ANO10: variants seen among roughly 807,000 people sequenced by gnomAD.
ANO10 encodes the protein anoctamin-10.
A neutral mutation model predicts 74.7 loss-of-function variants in ANO10; 77 were observed. The ratio of observed to expected loss-of-function variants is 1.03; its 90% CI spans 0.86 to 1.25. The LOEUF is 1.25. Among genes scored for constraint, ANO10 ranks in the 50% most tolerant of loss-of-function variants. The pLI, the probability that ANO10 is intolerant of heterozygous loss-of-function variation, is 0.00. For synonymous variants in ANO10, 279 were observed against 284.9 expected, an observed-to-expected ratio of 0.98 and a Z score of 0.21; for missense variants, 721 against 778.1, an observed-to-expected ratio of 0.93 and a Z score of 0.87.
intron 11 of ANO10, chr3:43,486,018 C>A: frequency 3.8e-6 from 1 of 264,728 alleles, no homozygotes; most frequent in Non-Finnish European, 7.4e-6. Flanking sequence ...GCCACAGGGC[C>A]AGCAGACAGA....
rs540915711 is a variant in ANO10, at chr3:43,473,552, T to C, written c.1798-40825A>G. Among the ~76,000 whole-genome samples, 77 of 152,324 alleles carry C rather than the reference T, an allele frequency of 5.1e-4. 2 individuals are homozygous for C. The South Asian group carries it at 0.014, about 28-fold the overall frequency. Reference sequence around the variant, plus strand: ...GTTATCTGTTGACTTTTCTCATGTGTCAATTTACCAGAATGGTAGGAAAGA... The same window carrying C: ...GTTATCTGTTGACTTTTCTCATGTGCCAATTTACCAGAATGGTAGGAAAGA... On this transcript the variant is annotated intron_variant, in intron 11 of 12. Transcript: ENST00000292246.
At chr3:43,548,722 T>C (rs2079311686) in intron 11 of ANO10, among the ~76,000 whole-genome samples, 1 of 152,182 alleles carries the variant, frequency 6.6e-6, no homozygotes, top group Admixed American at 6.5e-5. Context: ...TTTTAAAATA[T>C]CTAAAAATGA....
intron 2 of ANO10, among the ~76,000 whole-genome samples, chr3:43,605,421 C>T (rs1367739532): frequency 6.6e-6 from 1 of 152,082 alleles, no homozygotes; most frequent in East Asian, 1.9e-4. Flanking sequence ...TTTTAAGCAC[C>T]TACTATGCAC....
intron 1 of ANO10, among the ~76,000 whole-genome samples, chr3:43,652,024 T>C (rs2083793096): frequency 6.6e-6 from 1 of 152,092 alleles, no homozygotes; most frequent in Admixed American, 6.6e-5. Flanking sequence ...ATATATTCCA[T>C]GTTCTTGGGT....
intron 11 of ANO10, among the ~76,000 whole-genome samples, chr3:43,527,036 AACACACACACAC>A (rs56025632): frequency 3.4e-5 from 5 of 147,076 alleles, no homozygotes; most frequent in African/African-American, 1.3e-4. Flanking sequence ...ATGGATGTAA[AACACACACACAC>A]ACACACACAC....
chr3:43,671,382 C>T (rs72622908), intron 1 of ANO10, among the ~76,000 whole-genome samples: 7,669 of 152,140 alleles, frequency 0.05, 298 homozygotes, highest in South Asian at 0.12. Flanking sequence ...ACTGCCGCCG[C>T]TGATAAGGAC....
chr3:43,524,482 C>A (rs1168899611), intron 11 of ANO10, among the ~76,000 whole-genome samples: 3 of 152,100 alleles, frequency 2.0e-5, no homozygotes, highest in East Asian at 3.9e-4. Context: ...TGGCCTGGCC[C>A]TAGAGACCAG....
intron 1 of ANO10, among the ~76,000 whole-genome samples, chr3:43,659,080 G>A (rs1206444072): frequency 4.6e-5 from 7 of 152,168 alleles, no homozygotes; most frequent in Non-Finnish European, 1.0e-4. Context: ...GAAAAATCCT[G>A]GTCATTTCCA....
At chr3:43,618,968 AT>A (rs957042467) in intron 1 of ANO10, among the ~76,000 whole-genome samples, 15 of 151,444 alleles carry the variant, frequency 9.9e-5, no homozygotes, top group African/African-American at 3.6e-4. Flanking sequence ...TGCTCGGCTA[AT>A]TTTTTTTTGT....
chr3:43,585,192 G>C (rs1360741398), intron 4 of ANO10, among the ~76,000 whole-genome samples: 1 of 152,026 alleles, frequency 6.6e-6, no homozygotes, highest in East Asian at 1.9e-4. Context: ...ACTCTCAAAG[G>C]CATAAAAGAA....
chr3:43,427,139 A>G (rs1170142786), intron 12 of ANO10, among the ~76,000 whole-genome samples: 1 of 151,024 alleles, frequency 6.6e-6, no homozygotes, highest in Non-Finnish European at 1.5e-5. Context: ...TCATTTTATG[A>G]AAAAAAAATA....
intron 11 of ANO10, among the ~76,000 whole-genome samples, chr3:43,492,665 G>A (rs537810011): frequency 1.4e-4 from 21 of 152,128 alleles, no homozygotes; most frequent in African/African-American, 2.2e-4. Flanking sequence ...ACATTTATGC[G>A]GTGAACAGAC....
intron 7 of ANO10, among the ~76,000 whole-genome samples, chr3:43,568,832 A>G (rs1201298674): frequency 4.7e-5 from 7 of 147,928 alleles, no homozygotes; most frequent in Middle Eastern, 3.2e-3. Context: ...AAATAACTAA[A>G]ATCAGAGCAG....
At position 43,684,569 on chromosome 3, in the gene ANO10, T is replaced by C. The variant is rs545992610; in HGVS notation, c.-12+6948A>G. Among the ~76,000 whole-genome samples the C allele has an allele frequency of 9.5e-4, 145 of 152,268 alleles. 1 individual carries two copies. Among genetic ancestry groups the C allele is most frequent in the African/African-American group, 3.4e-3 (142 of 41,546 alleles). On this transcript the variant is annotated intron_variant, in intron 1 of 3. Coordinates refer to the ANO10 transcript ENST00000413397. Reference sequence around the variant, plus strand: ...GTAGAAATACCATTTGACCCAGCCATCCCATTACTAGGTATATACCCATAG... The same window carrying C: ...GTAGAAATACCATTTGACCCAGCCACCCCATTACTAGGTATATACCCATAG...
intron 11 of ANO10, among the ~76,000 whole-genome samples, chr3:43,537,977 T>TG (rs1372913591): frequency 1.3e-5 from 2 of 151,670 alleles, no homozygotes; most frequent in African/African-American, 4.8e-5. Context: ...CTAAAAAGGG[T>TG]GGGGGGACAG....
chr3:43,625,083 G>C (rs1041004584), upstream of ANO10, among the ~76,000 whole-genome samples: 4 of 152,124 alleles, frequency 2.6e-5, no homozygotes, highest in Non-Finnish European at 5.9e-5. Flanking sequence ...CAACTCCTCT[G>C]TCCAGAAGGA....
chr3:43,574,293 C>CA (rs2080891397), intron 7 of ANO10, among the ~76,000 whole-genome samples: 1 of 144,580 alleles, frequency 6.9e-6, no homozygotes, highest in South Asian at 2.2e-4. Context: ...TTTTTTGAGA[C>CA]AGAGTCTCGC....
intron 11 of ANO10, among the ~76,000 whole-genome samples, chr3:43,509,226 A>T (rs369831541): frequency 1.3e-5 from 2 of 149,460 alleles, no homozygotes; most frequent in Admixed American, 6.7e-5. Context: ...TGTGGGGTGG[A>T]GGGAGGGGAG....
chr3:43,489,042 A>T (rs986499961), intron 11 of ANO10, among the ~76,000 whole-genome samples: 1 of 151,610 alleles, frequency 6.6e-6, no homozygotes. Context: ...AAATTGGAAA[A>T]CATCATTCTC....
Sources: allele counts gnomAD v4.1 joint callset (sites outside exome capture counted in the v4.1 genomes callset), GRCh38; gene constraint gnomAD v4.1.1; transcripts MANE v1.5; gene names NCBI Gene and HGNC (gene_info 2026-07-23, HGNC 2026-07-21).